BDP1: variants seen among roughly 807,000 people sequenced by gnomAD.
BDP1 encodes BDP1 general transcription factor IIIB subunit.
BDP1 carries 169 observed loss-of-function variants against 266.6 expected under a neutral mutation model. The observed-to-expected ratio is 0.63, with a 90% CI of 0.56 to 0.72. BDP1 has a LOEUF of 0.72. Among genes scored for constraint, BDP1 ranks in the 30% least tolerant of loss-of-function variants. The pLI is 0.00. For missense variants in BDP1, 3,015 were observed against 3,053.8 expected, an observed-to-expected ratio of 0.99 and a Z score of 0.30; for synonymous variants, 1,090 against 1,022.4, an observed-to-expected ratio of 1.07 and a Z score of -1.26.
At chr5:71,511,562 A>AGG (rs1764921814) in intron 17 of BDP1, among the ~76,000 whole-genome samples, 1 of 152,136 alleles carries the variant, frequency 6.6e-6, no homozygotes, top group Non-Finnish European at 1.5e-5. Flanking sequence ...TGAGAGGATC[A>AGG]CTTGAACCCT....
At chr5:71,495,031 C>T (rs1017670999) in intron 11 of BDP1, 12 of 331,880 alleles carry the variant, frequency 3.6e-5, no homozygotes, top group Middle Eastern at 8.2e-4. Flanking sequence ...TGTTCCTAAG[C>T]GTGTAAATTT....
intron 13 of BDP1, among the ~76,000 whole-genome samples, chr5:71,498,872 C>T (rs574461092): frequency 6.6e-6 from 1 of 151,972 alleles, no homozygotes; most frequent in South Asian, 2.1e-4. Flanking sequence ...TGCAGGCATG[C>T]ACCACCACGC....
At chr5:71,477,504 G>A (rs1056590519) in intron 7 of BDP1, among the ~76,000 whole-genome samples, 1 of 152,078 alleles carries the variant, frequency 6.6e-6, no homozygotes, top group Non-Finnish European at 1.5e-5. Flanking sequence ...GTTTAATGAG[G>A]CAGCTGGTCC....
At chr5:71,458,104 T>C (rs1761309390) in intron 1 of BDP1, among the ~76,000 whole-genome samples, 1 of 152,202 alleles carries the variant, frequency 6.6e-6, no homozygotes. Flanking sequence ...TTTCAGAGGT[T>C]TGGAGTTTTG....
intron 7 of BDP1, among the ~76,000 whole-genome samples, chr5:71,483,204 A>G (rs1270996072): frequency 5.3e-5 from 8 of 152,138 alleles, no homozygotes; most frequent in Admixed American, 5.2e-4. Flanking sequence ...CTCTCCTACG[A>G]TGTGTTTGCG....
chr5:71,537,883 C>T (rs911735780), intron 26 of BDP1: 8 of 154,640 alleles, frequency 5.2e-5, no homozygotes, highest in Non-Finnish European at 8.8e-5. Flanking sequence ...GCCTGTGAGC[C>T]GCACCATGCT....
Position 71,524,273 on chromosome 5 carries a change from C to G in BDP1, c.5722C>G (p.Leu1908Val). The G allele has an allele frequency of 1.2e-6, 2 of 1,609,396 alleles. No individual in the cohort carries two copies. The highest frequency in any genetic ancestry group is 1.7e-6 in the Non-Finnish European group (2 of 1,175,888). ...AGCTCCAGTATTTGTACCTGTTGGT[C>G]TCAGATCTCCTGAACCTGTTTCTGC... ...NKAPVFVPVG[L>V]RSPEPVSAQI... Residue 1908 changes from leucine (L) to valine (V), a missense_variant, in exon 25 of 39, where the codon CTC becomes GTC. Leu to Val is a conservative substitution (Grantham distance 32, BLOSUM62 1). Transcript: ENST00000358731.
intron 32 of BDP1, among the ~76,000 whole-genome samples, chr5:71,545,628 G>A (rs1742230624): frequency 6.6e-6 from 1 of 152,252 alleles, no homozygotes; most frequent in East Asian, 1.9e-4. Context: ...ACTGTGCCTG[G>A]CTAACTTCAC....
In BDP1 at chr5:71,509,752, A is replaced by G; in HGVS notation, c.2660A>G (p.Lys887Arg). The G allele has an allele frequency of 6.2e-7, 1 of 1,614,160 alleles. No individual in the cohort carries two copies. The highest frequency in any genetic ancestry group is 8.5e-7 in the Non-Finnish European group (1 of 1,180,004). ...TGRRAISPRE[K>R]ILDVIDDTIE... ...AGAAGAGCCATTTCTCCCAGGGAGA[A>G]GATTCTAGATGTGATTGATGACACC... Residue 887 changes from lysine to arginine, a missense_variant, in exon 17 of 39, where the codon AAG (lysine) becomes AGG (arginine). Around this residue, in one of 3 missense-constraint regions of BDP1, gnomAD observed 2,383 missense variants for 2,404.9 expected, o/e 0.99. Transcript: ENST00000358731.
chr5:71,465,957 A>G (rs1761881846), intron 4 of BDP1, 139 bp from the exon 5 acceptor site: 2 of 838,026 alleles, frequency 2.4e-6, no homozygotes, highest in Non-Finnish European at 3.6e-6. Flanking sequence ...CCTTAATAAC[A>G]CATACTGTTT....
intron 5 of BDP1, 39 bp downstream of exon 5, chr5:71,466,260 G>A: frequency 6.2e-7 from 1 of 1,611,512 alleles, no homozygotes; most frequent in Non-Finnish European, 8.5e-7. Flanking sequence ...GTGGTTACAT[G>A]AGAACAAACA....
rs1373111019 is a variant in BDP1 at position 71,565,492 on chromosome 5, A to G, written c.*607A>G. On this transcript the variant is annotated 3_prime_UTR_variant, in exon 39 of 39. Transcript: ENST00000358731. ...GTGCATTGCTTTTTTATGTTTAGAT[A>G]TGTTTAGATACACAAATACTTACTA... 3 of 152,472 alleles carry G rather than the reference A, an allele frequency of 2.0e-5. No individual in the cohort carries two copies. The highest frequency in any genetic ancestry group is 4.4e-5 in the Non-Finnish European group (3 of 68,236). The allele number at this position is 152,472 out of a possible 1,614,324, so 9.4% of individuals were successfully genotyped here.
At chr5:71,528,268 T>C (rs1205598331) in intron 25 of BDP1, among the ~76,000 whole-genome samples, 3 of 152,246 alleles carry the variant, frequency 2.0e-5, no homozygotes, top group Admixed American at 2.0e-4. Flanking sequence ...GTTGTAACTT[T>C]GGCTAGTAAT....
intron 33 of BDP1, 86 bp from the exon 34 acceptor site, chr5:71,549,334 C>T: frequency 9.1e-7 from 1 of 1,102,764 alleles, no homozygotes; most frequent in Non-Finnish European, 1.3e-6. Context: ...TGTCCTGAGA[C>T]TGTCTTTTTA....
chr5:71,459,422 G>C (rs920771845), intron 2 of BDP1, among the ~76,000 whole-genome samples: 1 of 152,218 alleles, frequency 6.6e-6, no homozygotes, highest in Non-Finnish European at 1.5e-5. Context: ...TGAGGCATGA[G>C]AATTGCTTGA....
In BDP1 at chr5:71,486,528, C is replaced by T. The variant is rs1196564834; in HGVS notation, c.1114C>T (p.Gln372Ter). The T allele has an allele frequency of 6.5e-7, 1 of 1,542,884 alleles. No homozygotes were observed. The highest frequency in any genetic ancestry group is 8.6e-7 in the Non-Finnish European group (1 of 1,157,024). The change falls in exon 9 of 39, where the codon CAG (glutamine) becomes TAG (stop). Residue 372 changes from glutamine (Q) to a stop codon, truncating the protein, a stop_gained. Coordinates refer to ENST00000358731, the MANE Select transcript of BDP1 (RefSeq NM_018429.3). LOFTEE classifies it high-confidence loss of function. ...FDFDFFAHLLQKVLAEEEKRK... is the reference protein window; with the variant it reads ...FDFDFFAHLL ...CTTCGATTTTTTTGCTCATTTGCTT[C>T]AGAAAGTTCTTGCTGAAGAAGAGAA... is the stretch of plus-strand genomic sequence containing the variant.
At chr5:71,518,434 A>G (rs1765332362) in intron 22 of BDP1, among the ~76,000 whole-genome samples, 1 of 151,950 alleles carries the variant, frequency 6.6e-6, no homozygotes, top group Non-Finnish European at 1.5e-5. Flanking sequence ...GGTGCTATTG[A>G]TTTATATTTT....
At chr5:71,564,627 C>T in intron 38 of BDP1, 127 bp from the exon 39 acceptor site, 2 of 785,222 alleles carry the variant, frequency 2.5e-6, no homozygotes, top group Non-Finnish European at 1.9e-6. Context: ...ATTTAAAGCT[C>T]AATATTTATT....
chr5:71,488,960 A>G (rs1466578645), intron 9 of BDP1, among the ~76,000 whole-genome samples: 1 of 151,410 alleles, frequency 6.6e-6, no homozygotes, highest in African/African-American at 2.4e-5. Context: ...CACCCTCCTC[A>G]GCCTCCCAAA....
Sources: gnomAD v4.1 joint callset for allele counts (sites outside exome capture counted in the v4.1 genomes callset) on GRCh38, gnomAD v4.1.1 for gene constraint, gnomAD v4.1.1 regional missense constraint, MANE v1.5 for transcripts, NCBI Gene and HGNC (gene_info 2026-07-23, HGNC 2026-07-21) for gene names.